KIF20B: variants seen among roughly 807,000 people sequenced by gnomAD.
KIF20B encodes the protein kinesin family member 20B.
A neutral mutation model predicts 232.5 loss-of-function variants in KIF20B; 188 were observed. The ratio of observed to expected loss-of-function variants is 0.81; its 90% CI spans 0.72 to 0.91. KIF20B has a LOEUF of 0.91. Among genes scored for constraint, KIF20B ranks in the 40% least tolerant of loss-of-function variants. The pLI is 0.00. For missense variants in KIF20B, 2,154 were observed against 2,055.9 expected, an observed-to-expected ratio of 1.05 and a Z score of -0.92; for synonymous variants, 712 against 683.0, an observed-to-expected ratio of 1.04 and a Z score of -0.66.
chr10:89,737,288 A>G, intron 19 of KIF20B, 99 bp from the exon 20 acceptor site: 1 of 1,190,346 alleles, frequency 8.4e-7, no homozygotes, highest in Non-Finnish European at 1.1e-6. Flanking sequence ...TTAGAAGTTT[A>G]CTTTTACATG....
intron 13 of KIF20B, among the ~76,000 whole-genome samples, 171 bp downstream of exon 13, chr10:89,719,877 C>A (rs77450158): frequency 1.3e-5 from 2 of 152,186 alleles, no homozygotes; most frequent in East Asian, 3.9e-4. Flanking sequence ...AATGAATACT[C>A]ATTTATCCTT....
Position 89,714,941 on chromosome 10 carries a change from TC to T in KIF20B, c.713-13del. The stretch of plus-strand genomic sequence containing the variant: ...TACTTTCGTGATTGTTTTTTCTTTT[TC>T]TTTTTTTTGTAGGAAGTTTAACTAA... On this transcript the variant is annotated splice_polypyrimidine_tract_variant and intron_variant, in intron 7 of 32. Transcript: ENST00000371728. 7.5e-7 allele frequency: 1 copy of T among 1,338,624 alleles called. No individual in the cohort carries two copies. The highest frequency in any genetic ancestry group is 1.0e-6 in the Non-Finnish European group (1 of 979,490). 82.9% of individuals were successfully genotyped at this position (1,338,624 alleles called of 1,614,324 possible).
At chr10:89,752,118 T>C (rs774344553) in intron 24 of KIF20B, among the ~76,000 whole-genome samples, 5 of 152,054 alleles carry the variant, frequency 3.3e-5, no homozygotes, top group African/African-American at 4.8e-5. Context: ...ATTATTCTTA[T>C]CAAGATCAGA....
At chr10:89,721,316 C>G (rs929939923) in intron 13 of KIF20B, among the ~76,000 whole-genome samples, 2 of 152,060 alleles carry the variant, frequency 1.3e-5, no homozygotes, top group Non-Finnish European at 2.9e-5. Context: ...GTGATTAGAC[C>G]GTGTTACTTG....
chr10:89,710,210 T>C, intron 5 of KIF20B, 145 bp downstream of exon 5: 1 of 600,420 alleles, frequency 1.7e-6, no homozygotes, highest in Non-Finnish European at 2.5e-6. Flanking sequence ...TTATTACGTA[T>C]TGCTGTTTTT....
At chr10:89,745,070 GT>G (rs1296692074) in intron 22 of KIF20B, among the ~76,000 whole-genome samples, 1 of 152,100 alleles carries the variant, frequency 6.6e-6, no homozygotes, top group African/African-American at 2.4e-5. Flanking sequence ...TTCATTTTGA[GT>G]TTAAGTTTAC....
chr10:89,738,629 G>A lies in KIF20B; in HGVS notation c.3776+12G>A. On this transcript the variant is annotated intron_variant, in intron 20 of 32. Transcript: ENST00000371728. ...CAAGAAACAGAAAAGTAAGCTAAAT[G>A]TTATTCAAAATATTTTAAAATACAC... is the stretch of plus-strand genomic sequence containing the variant. The A allele has an allele frequency of 6.5e-7, 1 of 1,532,532 alleles. No individual in the cohort carries two copies. Among genetic ancestry groups the A allele is most frequent in the Non-Finnish European group, 8.7e-7 (1 of 1,147,638 alleles). 94.9% of individuals were successfully genotyped at this position (1,532,532 alleles called of 1,614,324 possible).
In KIF20B at chr10:89,737,729, A is replaced by C; in HGVS notation, c.2888A>C (p.Lys963Thr). The C allele has an allele frequency of 6.2e-7, 1 of 1,612,736 alleles. No individual in the cohort carries two copies. The highest frequency in any genetic ancestry group is 8.5e-7 in the Non-Finnish European group (1 of 1,179,346). Residue 963 changes from lysine (K) to threonine (T), a missense_variant, in exon 20 of 33, where the codon AAA becomes ACA. By Grantham distance (78) the Lys-to-Thr change is moderately conservative. Coordinates refer to ENST00000371728, the MANE Select transcript of KIF20B (RefSeq NM_001284259.2). ...KNQEQEEKIM[K>T]LSNEIETATR... ...CAAGAACAGGAGGAAAAGATCATGA[A>C]ATTGTCAAATGAGATAGAAACTGCT...
chr10:89,723,921 A>G (rs759069068), intron 13 of KIF20B, 43 bp from the exon 14 acceptor site: 7 of 1,340,782 alleles, frequency 5.2e-6, no homozygotes, highest in Non-Finnish European at 6.9e-6. Flanking sequence ...CTCTTGGGAT[A>G]TATTTATTCT....
chr10:89,737,366 A>T, intron 19 of KIF20B, 21 bp from the exon 20 acceptor site: 1 of 1,452,398 alleles, frequency 6.9e-7, no homozygotes, highest in Non-Finnish European at 9.1e-7. Flanking sequence ...CAGATTAATA[A>T]CAATTTTCTT....
intron 29 of KIF20B, among the ~76,000 whole-genome samples, chr10:89,763,867 GTAT>G (rs1012884262): frequency 2.8e-4 from 41 of 145,866 alleles, no homozygotes; most frequent in African/African-American, 4.9e-4. Context: ...TTTATTAATA[GTAT>G]TATTTATTTA....
intron 19 of KIF20B, among the ~76,000 whole-genome samples, chr10:89,734,057 G>A (rs1296211389): frequency 1.3e-5 from 2 of 151,856 alleles, no homozygotes; most frequent in Admixed American, 6.6e-5. Flanking sequence ...TTGGGTGGGG[G>A]CATATTCTCA....
intron 21 of KIF20B, among the ~76,000 whole-genome samples, chr10:89,740,458 C>G (rs1330417958): frequency 6.6e-6 from 1 of 152,094 alleles, no homozygotes; most frequent in East Asian, 1.9e-4. Flanking sequence ...CTGAACCTCA[C>G]TGTACAATAG....
chr10:89,753,700 A>G (rs1842065563), intron 25 of KIF20B, among the ~76,000 whole-genome samples: 1 of 152,064 alleles, frequency 6.6e-6, no homozygotes, highest in Admixed American at 6.5e-5. Flanking sequence ...GGCTCACTGC[A>G]GCCTCCACCC....
rs1033850238 is a variant in KIF20B at position 89,752,102 on chromosome 10, T to C, written c.4223-465T>C. On this transcript the variant is annotated intron_variant, in intron 24 of 32. Transcript: ENST00000371728. The stretch of plus-strand genomic sequence containing the variant: ...AAATCATCTGACTTGAAGATTCATA[T>C]TGTACATTATTCTTATCAAGATCAG... Among the ~76,000 whole-genome samples, 6 of 152,186 alleles carry C rather than the reference T, an allele frequency of 3.9e-5. 1 individual carries two copies. Among genetic ancestry groups the C allele is most frequent in the South Asian group, 2.1e-4 (1 of 4,826 alleles).
At position 89,763,991 on chromosome 10, in the gene KIF20B, A is replaced by C. The variant is rs1049641330; in HGVS notation, c.4989+1156A>C. On this transcript the variant is annotated intron_variant, in intron 29 of 32. Transcript: ENST00000371728. The stretch of plus-strand genomic sequence containing the variant: ...TATATGTGCCATGCTGGTGTGCTGC[A>C]CCCATCAACTTGTCATTTAGCATTA... Among the ~76,000 whole-genome samples, 16 of 150,884 alleles carry C rather than the reference A, an allele frequency of 1.1e-4. 1 individual carries two copies. Among genetic ancestry groups the C allele is most frequent in the Non-Finnish European group, 2.4e-4 (16 of 67,792 alleles).
intron 15 of KIF20B, 139 bp downstream of exon 15, chr10:89,725,297 TG>T (rs780882038): frequency 7.4e-6 from 6 of 805,398 alleles, no homozygotes; most frequent in Middle Eastern, 3.6e-4. Context: ...TAATTAGGCA[TG>T]TTTTTTTAGA....
In KIF20B at chr10:89,727,370, T is replaced by G. The variant is rs1338483215; in HGVS notation, c.2231-486T>G. On this transcript the variant is annotated intron_variant, in intron 16 of 32. Coordinates refer to ENST00000371728, the MANE Select transcript of KIF20B (RefSeq NM_001284259.2). ...CCTGGGCTCAAGTGATCCTTCCACC[T>G]TAGTCTCCTGAGTAGCTTGGACTAC... Among the ~76,000 whole-genome samples the G allele has an allele frequency of 5.3e-5, 8 of 152,018 alleles. 1 individual carries two copies. The South Asian group carries it at 1.2e-3, about 24-fold the overall frequency.
At position 89,709,209 on chromosome 10, in the gene KIF20B, C is replaced by G. The variant is rs745587216; in HGVS notation, c.190C>G (p.Arg64Gly). The G allele has an allele frequency of 6.2e-7, 1 of 1,610,476 alleles. No individual in the cohort carries two copies. Among genetic ancestry groups the G allele is most frequent in the African/African-American group, 1.3e-5 (1 of 74,828 alleles). Residue 64 changes from arginine (R) to glycine (G), a missense_variant, in exon 3 of 33, where the codon CGA becomes GGA. Transcript: ENST00000371728. ...TAAAGATTATCTCCAGGTTTGTCTT[C>G]GAATAAGACCATTTACACAGTCAGA... Reference protein sequence around the residue: ...ESKDYLQVCLRIRPFTQSEKE... With the variant: ...ESKDYLQVCLGIRPFTQSEKE...
Sources: gnomAD v4.1 joint callset for allele counts (sites outside exome capture counted in the v4.1 genomes callset) on GRCh38, gnomAD v4.1.1 for gene constraint, MANE v1.5 for transcripts, NCBI Gene and HGNC (gene_info 2026-07-23, HGNC 2026-07-21) for gene names.